MYRF: variants seen among roughly 807,000 people sequenced by gnomAD.
MYRF encodes myelin gene regulatory factor.
Under a neutral mutation model 126.3 loss-of-function variants are expected in MYRF, and 16 were observed. The ratio of observed to expected loss-of-function variants is 0.13; its 90% CI spans 0.09 to 0.19. The LOEUF (loss-of-function observed/expected upper bound fraction) is 0.19, where lower values mean the gene tolerates loss of function less well. Ranked by LOEUF, MYRF falls within the 10% of genes least tolerant of loss-of-function variation. The probability of loss-of-function intolerance (pLI) is 1.00; values close to 1 mark genes in which losing one functional copy is unlikely to be tolerated. For missense variants in MYRF, 1,104 were observed against 1,547.0 expected (o/e 0.71, Z 4.80); for synonymous variants, 608 against 635.3 (o/e 0.96, Z 0.65).
chr11:61,771,649 G>GAGA lies in MYRF; in HGVS notation c.890_891insAGA (p.Trp297delinsTer), dbSNP rs1485616380. The GAGA allele has an allele frequency of 2.5e-6, 4 of 1,613,866 alleles. No homozygotes were observed. Among genetic ancestry groups the GAGA allele is most frequent in the Non-Finnish European group, 3.4e-6 (4 of 1,179,984 alleles). ...CCCACTCGAGCCCCATCGCCACCCT[G>GAGA]GCCTCCCCAGGGTCCGCTCTCCCCG... On this transcript the variant is annotated stop_gained, in exon 6 of 27. Coordinates refer to ENST00000278836, the MANE Select transcript of MYRF (RefSeq NM_001127392.3). LOFTEE classifies it high-confidence loss of function.
In MYRF at chr11:61,778,376, C is replaced by G; in HGVS notation, c.1904-4C>G. On this transcript the variant is annotated splice_polypyrimidine_tract_variant and splice_region_variant and intron_variant, in intron 13 of 26. Coordinates refer to ENST00000278836, the MANE Select transcript of MYRF (RefSeq NM_001127392.3). The surrounding 1 kb of genome is among the most constrained non-coding windows in gnomAD (Gnocchi z 4.6). Reference sequence around the variant, plus strand: ...CCCATCTTTGGCTTGTCCCCTGCCCCCAGGTGTCATCGCTCAGGAGGTGAA... The same window carrying G: ...CCCATCTTTGGCTTGTCCCCTGCCCGCAGGTGTCATCGCTCAGGAGGTGAA... 6.2e-6 allele frequency: 10 copies of G among 1,609,986 alleles called. No individual in the cohort carries two copies. The highest frequency in any genetic ancestry group is 8.5e-6 in the Non-Finnish European group (10 of 1,176,322).
At position 61,776,651 on chromosome 11, in the gene MYRF, A is replaced by G; in HGVS notation, c.1500-136A>G. The G allele has an allele frequency of 3.9e-6, 3 of 777,124 alleles. No homozygotes were observed. The highest frequency in any genetic ancestry group is 6.1e-6 in the Non-Finnish European group (3 of 488,382). 48.1% of individuals were successfully genotyped at this position (777,124 alleles called of 1,614,324 possible). ...GGCTTCTTGCTGTGGGCCCTGGGGA[A>G]TTTCTGCCCCCTGGTGGAGGCTCGG... On this transcript the variant is annotated intron_variant, in intron 10 of 26. Coordinates refer to ENST00000278836, the MANE Select transcript of MYRF (RefSeq NM_001127392.3). This position sits in a 1 kb window ranked among gnomAD's most constrained non-coding sequence, Gnocchi z 4.3.
intron 25 of MYRF, chr11:61,784,805 GT>G (rs1299685290): frequency 6.2e-6 from 1 of 161,424 alleles, no homozygotes; most frequent in Non-Finnish European, 1.4e-5. Context: ...GGCCCCTCAG[GT>G]TCCATGTTTG....
chr11:61,785,927 C>T (rs1279792372), intron 26 of MYRF, 53 bp downstream of exon 26: 8 of 1,585,202 alleles, frequency 5.0e-6, no homozygotes, highest in Non-Finnish European at 6.1e-6. Flanking sequence ...CTGTCTGCGA[C>T]GTGGGGCTTG....
chr11:61,774,109 C>T lies in MYRF; in HGVS notation c.1258C>T (p.Pro420Ser). 10 of 1,613,790 alleles carry T rather than the reference C, an allele frequency of 6.2e-6. No homozygotes were observed. The highest frequency in any genetic ancestry group is 7.6e-6 in the Non-Finnish European group (9 of 1,179,898). ...MLGEPKYVKTPEGLKPLDCFY... is the reference protein window; with the variant it reads ...MLGEPKYVKTSEGLKPLDCFY... ...GGGCGAGCCCAAGTACGTCAAGACG[C>T]CCGAGGGCCTCAAGCCCCTCGACTG... Residue 420 changes from proline to serine, a missense_variant, in exon 8 of 27, where the codon CCC becomes TCC. Transcript: ENST00000278836.
intron 2 of MYRF, 43 bp downstream of exon 2, chr11:61,765,755 C>G (rs1436344298): frequency 1.9e-6 from 3 of 1,554,378 alleles, no homozygotes; most frequent in Admixed American, 3.5e-5. Context: ...CCAGCCCCAG[C>G]CCTTCGCCTC....
rs75158668 is a variant in MYRF, at chr11:61,778,370, C to T, written c.1904-10C>T. On this transcript the variant is annotated splice_polypyrimidine_tract_variant and intron_variant, in intron 13 of 26. Coordinates refer to ENST00000278836, the MANE Select transcript of MYRF (RefSeq NM_001127392.3). The surrounding 1 kb of genome is among the most constrained non-coding windows in gnomAD (Gnocchi z 4.6). ...CCCCCACCCATCTTTGGCTTGTCCC[C>T]TGCCCCCAGGTGTCATCGCTCAGGA... 23,366 of 1,604,406 alleles carry T rather than the reference C, an allele frequency of 0.015. 232 individuals carry two copies. The highest frequency in any genetic ancestry group is 0.016 in the Non-Finnish European group (18,431 of 1,171,280).
intron 3 of MYRF, chr11:61,766,776 G>T (rs2066073933): frequency 3.0e-6 from 1 of 332,796 alleles, no homozygotes; most frequent in African/African-American, 2.2e-5. Context: ...TTGACCAAAG[G>T]TTCCAGGCAG....
intron 17 of MYRF, 47 bp downstream of exon 17, chr11:61,779,977 G>T: frequency 5.2e-6 from 8 of 1,535,550 alleles, no homozygotes; most frequent in Non-Finnish European, 7.2e-6. Flanking sequence ...GGGGAGTGGA[G>T]CTGCCCAGTG....
rs763704697 is a variant in MYRF at position 61,771,635 on chromosome 11, C to T, written c.876C>T (p.Ala292=). The change falls in exon 6 of 27, where the codon GCC becomes GCT. Residue 292 remains alanine (A), a synonymous_variant. Coordinates refer to ENST00000278836, the MANE Select transcript of MYRF (RefSeq NM_001127392.3). ...VTALPLHPTR[A]PSPPWPPQGP... ...CCCTGCCTCTGCACCCCACTCGAGCCCCATCGCCACCCTGGCCTCCCCAGG... is the reference window on the plus strand; with the variant it reads ...CCCTGCCTCTGCACCCCACTCGAGCTCCATCGCCACCCTGGCCTCCCCAGG... 1 of 1,614,006 alleles carries T rather than the reference C, an allele frequency of 6.2e-7. No homozygotes were observed. The highest frequency in any genetic ancestry group is 8.5e-7 in the Non-Finnish European group (1 of 1,180,004).
In MYRF at chr11:61,780,963, C is replaced by T. The variant is rs774649159; in HGVS notation, c.2490C>T (p.Ser830=). 5 of 1,609,882 alleles carry T rather than the reference C, an allele frequency of 3.1e-6. No individual in the cohort carries two copies. The East Asian group carries it at 6.7e-5, about 22-fold the overall frequency. ...TCAGCCCATCCTTCCCCAGCAGGTC[C>T]AGCCAGAGCTTTGGGACCACGCAGC... The part of the protein sequence containing the change: ...PGGSEALCPW[S]SQSFGTTQLR... Residue 830 remains serine, a synonymous_variant, in exon 20 of 27, where the codon TCC becomes TCT. Coordinates refer to ENST00000278836, the MANE Select transcript of MYRF (RefSeq NM_001127392.3).
chr11:61,771,290 G>T (rs995601812), intron 5 of MYRF, among the ~76,000 whole-genome samples: 4 of 152,212 alleles, frequency 2.6e-5, no homozygotes, highest in African/African-American at 9.7e-5. Flanking sequence ...ACAGTCTGGG[G>T]GAAGCGAAGA....
intron 1 of MYRF, among the ~76,000 whole-genome samples, chr11:61,764,686 C>G (rs1375447527): frequency 6.6e-6 from 1 of 152,214 alleles, no homozygotes; most frequent in African/African-American, 2.4e-5. Flanking sequence ...ACCCCGCCCT[C>G]TGGCTCCCCC....
Position 61,777,489 on chromosome 11 carries a change from G to T in MYRF, c.1791+25G>T, listed in dbSNP as rs754325919. On this transcript the variant is annotated intron_variant, in intron 12 of 26. Coordinates refer to ENST00000278836, the MANE Select transcript of MYRF (RefSeq NM_001127392.3). This position sits in a 1 kb window ranked among gnomAD's most constrained non-coding sequence, Gnocchi z 8.8. ...GGTGGGGACAGGGCTGTGGGGGCCGGGCGGGTCCAGACGCTGGAGCGGGCC... is the reference window on the plus strand; with the variant it reads ...GGTGGGGACAGGGCTGTGGGGGCCGTGCGGGTCCAGACGCTGGAGCGGGCC... 15 of 1,573,848 alleles carry T rather than the reference G, an allele frequency of 9.5e-6. No individual in the cohort carries two copies. In the Admixed American group the frequency reaches 2.6e-4, roughly 27 times the overall value.
chr11:61,786,247 T>C lies in MYRF; in HGVS notation c.*104T>C. On this transcript the variant is annotated 3_prime_UTR_variant, in exon 27 of 27. Transcript: ENST00000278836. The surrounding 1 kb of genome is among the most constrained non-coding windows in gnomAD (Gnocchi z 4.5). Reference sequence around the variant, plus strand: ...ACTGGAGCCCGCTGCAGGCCAGCTCTGCTGTTCACTGGCCCTACCCGAGAC... The same window carrying C: ...ACTGGAGCCCGCTGCAGGCCAGCTCCGCTGTTCACTGGCCCTACCCGAGAC... 9.4e-7 allele frequency: 1 copy of C among 1,067,628 alleles called. No homozygotes were observed. The highest frequency in any genetic ancestry group is 1.4e-6 in the Non-Finnish European group (1 of 707,078). The allele number at this position is 1,067,628 out of a possible 1,614,324, so 66.1% of individuals were successfully genotyped here. A position where few individuals can be genotyped will look rare whatever the true frequency, so the allele number is the denominator to read the frequency against.
chr11:61,778,525 C>A lies in MYRF; in HGVS notation c.2013+36C>A. 1 of 1,486,892 alleles carries A rather than the reference C, an allele frequency of 6.7e-7. No homozygotes were observed. Among genetic ancestry groups the A allele is most frequent in the Non-Finnish European group, 9.4e-7 (1 of 1,064,430 alleles). 92.1% of individuals were successfully genotyped at this position (1,486,892 alleles called of 1,614,324 possible). On this transcript the variant is annotated intron_variant, in intron 14 of 26. Transcript: ENST00000278836. The surrounding 1 kb of genome is among the most constrained non-coding windows in gnomAD (Gnocchi z 4.6). Reference sequence around the variant, plus strand: ...GGGGGAATGGGAGGGAGCCCAGAGGCAAGTGGGGAGCCAGCTGGGGAACAC... The same window carrying A: ...GGGGGAATGGGAGGGAGCCCAGAGGAAAGTGGGGAGCCAGCTGGGGAACAC...
Position 61,777,208 on chromosome 11 carries a change from G to A in MYRF, c.1591-56G>A. ...TGTGGAGTTTCCCCCTGCTCCCAGG[G>A]CCCTGCAGGTCCCCTCCCTATCCCC... On this transcript the variant is annotated intron_variant, in intron 11 of 26. Transcript: ENST00000278836. This position sits in a 1 kb window ranked among gnomAD's most constrained non-coding sequence, Gnocchi z 8.8. 6.4e-7 allele frequency: 1 copy of A among 1,559,556 alleles called. No individual in the cohort carries two copies. Among genetic ancestry groups the A allele is most frequent in the Non-Finnish European group, 8.7e-7 (1 of 1,144,820 alleles).
intron 8 of MYRF, 107 bp from the exon 9 acceptor site, chr11:61,775,949 G>C: frequency 9.4e-7 from 1 of 1,063,310 alleles, no homozygotes; most frequent in Non-Finnish European, 1.4e-6. Context: ...GTGCTGCCCT[G>C]TTTCCTGGTG....
chr11:61,781,094 G>A (rs1409883821), intron 20 of MYRF, 44 bp from the exon 21 acceptor site: 2 of 1,611,382 alleles, frequency 1.2e-6, no homozygotes, highest in African/African-American at 2.7e-5. Context: ...GCTATGTTCT[G>A]TCTTTGGGGC....
Sources: gnomAD v4.1 joint callset for allele counts (sites outside exome capture counted in the v4.1 genomes callset) on GRCh38, gnomAD v4.1.1 for gene constraint, Gnocchi (gnomAD v3.1) non-coding constraint, MANE v1.5 for transcripts, NCBI Gene and HGNC (gene_info 2026-07-23, HGNC 2026-07-21) for gene names.